Variants in SEMA3E observed in about 807,000 individuals in gnomAD.
SEMA3E encodes semaphorin-3E.
A neutral mutation model predicts 93.6 loss-of-function variants in SEMA3E; 49 were observed. The observed-to-expected ratio is 0.52, with a 90% CI of 0.42 to 0.66. The LOEUF is 0.66. SEMA3E is among the 30% of genes least tolerant of loss of function. The probability of loss-of-function intolerance (pLI) is 0.00; values close to 1 mark genes in which losing one functional copy is unlikely to be tolerated. For synonymous variants in SEMA3E, 363 were observed against 330.7 expected, an observed-to-expected ratio of 1.10 and a Z score of -1.06; for missense variants, 906 against 964.8, an observed-to-expected ratio of 0.94 and a Z score of 0.81.
chr7:83,444,621 G>T (rs1789186281), intron 4 of SEMA3E, among the ~76,000 whole-genome samples: 1 of 151,184 alleles, frequency 6.6e-6, no homozygotes, highest in Non-Finnish European at 1.5e-5. Flanking sequence ...ACCAAGAAAA[G>T]AATTCCTGCA....
intron 1 of SEMA3E, among the ~76,000 whole-genome samples, chr7:83,554,344 T>C (rs1311163132): frequency 1.3e-5 from 2 of 152,180 alleles, no homozygotes; most frequent in East Asian, 3.9e-4. Context: ...AATGGAAAAA[T>C]GAGTCCTCAT....
chr7:83,540,718 G>A (rs1043679006), intron 1 of SEMA3E, among the ~76,000 whole-genome samples: 2 of 152,202 alleles, frequency 1.3e-5, no homozygotes, highest in Non-Finnish European at 2.9e-5. Context: ...AAGAACTGCT[G>A]TGTATGTATC....
At position 83,461,483 on chromosome 7, in the gene SEMA3E, C is replaced by T. The variant is rs376710000; in HGVS notation, c.456+4999G>A. ...CAGTGACTATCCCTCCCCATCCTGC[C>T]CAACAATTTACTCTTAAAAAGGTGG... On this transcript the variant is annotated intron_variant, in intron 4 of 16. Transcript: ENST00000643230. Among the ~76,000 whole-genome samples the T allele has an allele frequency of 3.2e-4, 48 of 152,232 alleles. 1 individual carries two copies. The highest frequency in any genetic ancestry group is 1.1e-3 in the African/African-American group (46 of 41,524).
intron 1 of SEMA3E, among the ~76,000 whole-genome samples, chr7:83,647,077 C>A (rs1043947196): frequency 1.4e-4 from 22 of 151,988 alleles, no homozygotes; most frequent in Admixed American, 2.0e-4. Context: ...TACATCTTCC[C>A]AAGTTAAAAG....
intron 2 of SEMA3E, among the ~76,000 whole-genome samples, chr7:83,481,098 CATCCCA>C (rs1225698123): frequency 1.3e-5 from 2 of 152,064 alleles, no homozygotes; most frequent in African/African-American, 4.8e-5. Flanking sequence ...GTTAGAGCCC[CATCCCA>C]ATTTAGAGAC....
chr7:83,503,285 C>A (rs1402439573), intron 1 of SEMA3E, among the ~76,000 whole-genome samples: 1 of 151,948 alleles, frequency 6.6e-6, no homozygotes, highest in Non-Finnish European at 1.5e-5. Context: ...TTATCCATTC[C>A]CATCTCAGAT....
At chr7:83,525,944 T>TTGGTAGG (rs1791149777) in intron 1 of SEMA3E, among the ~76,000 whole-genome samples, 1 of 151,562 alleles carries the variant, frequency 6.6e-6, no homozygotes, top group Admixed American at 6.6e-5. Context: ...ATAGAAAGGG[T>TTGGTAGG]TGGTAGGTTA....
At chr7:83,398,029 A>G (rs7777731) in intron 11 of SEMA3E, among the ~76,000 whole-genome samples, 18,230 of 152,238 alleles carry the variant, frequency 0.12, 1,222 homozygotes, top group Non-Finnish European at 0.15. Context: ...TATTGTATTA[A>G]AGCCGGTGTC....
intron 1 of SEMA3E, among the ~76,000 whole-genome samples, chr7:83,569,142 C>CA (rs200678421): frequency 0.02 from 2,821 of 142,430 alleles, 81 homozygotes; most frequent in African/African-American, 0.064. Context: ...GCAATAGCTA[C>CA]AAAAAAAAAA....
rs116074891 is a variant in SEMA3E at position 83,636,926 on chromosome 7, T to C, written c.115+11502A>G. Among the ~76,000 whole-genome samples, 619 of 152,136 alleles carry C rather than the reference T, an allele frequency of 4.1e-3. 5 individuals are homozygous for C. The highest frequency in any genetic ancestry group is 0.014 in the African/African-American group (597 of 41,472). On this transcript the variant is annotated intron_variant, in intron 1 of 16. Transcript: ENST00000643230. ...CATGCTTTCATAGCATCCCTTGATA[T>C]ATAAAAAAAGCACCCTACTTTATTA...
At chr7:83,427,386 C>T (rs979799613) in intron 4 of SEMA3E, among the ~76,000 whole-genome samples, 14 of 152,030 alleles carry the variant, frequency 9.2e-5, no homozygotes, top group South Asian at 2.1e-4. Flanking sequence ...TGAAGCTACA[C>T]ATGACAGGAA....
intron 4 of SEMA3E, among the ~76,000 whole-genome samples, chr7:83,420,457 C>A (rs779840505): frequency 6.6e-6 from 1 of 152,006 alleles, no homozygotes; most frequent in Non-Finnish European, 1.5e-5. Context: ...GAAAACTATT[C>A]TAAAATTCAT....
chr7:83,363,860 A>ATTTTTTTT lies in SEMA3E; in HGVS notation c.*3718_*3725dup, dbSNP rs56867715. The ATTTTTTTT allele has an allele frequency of 5.2e-5, 4 of 76,964 alleles. No homozygotes were observed. The highest frequency in any genetic ancestry group is 2.0e-4 in the African/African-American group (4 of 20,108). 4.8% of individuals were successfully genotyped at this position (76,964 alleles called of 1,614,324 possible). A position where few individuals can be genotyped will look rare whatever the true frequency, so the allele number is the denominator to read the frequency against. ...GGCTACAGGTGTCACAGGTCAATTCATTTTTTTTTTTTTTTTTTTTTTTTT... is the reference window on the plus strand; with the variant it reads ...GGCTACAGGTGTCACAGGTCAATTCATTTTTTTTTTTTTTTTTTTTTTTTTTTTTTTTT... On this transcript the variant is annotated 3_prime_UTR_variant, in exon 17 of 17. Coordinates refer to ENST00000643230, the MANE Select transcript of SEMA3E (RefSeq NM_012431.3).
intron 1 of SEMA3E, among the ~76,000 whole-genome samples, chr7:83,640,515 G>T (rs1216880542): frequency 1.3e-5 from 2 of 151,994 alleles, no homozygotes; most frequent in Non-Finnish European, 2.9e-5. Flanking sequence ...GGAGAAAGAG[G>T]GCACATTGTC....
intron 1 of SEMA3E, among the ~76,000 whole-genome samples, chr7:83,592,862 A>G (rs1792782368): frequency 1.3e-5 from 2 of 152,142 alleles, no homozygotes; most frequent in South Asian, 4.1e-4. Flanking sequence ...GGAGGACATG[A>G]ATAAAATCAA....
chr7:83,396,610 T>A, intron 12 of SEMA3E, 28 bp downstream of exon 12: 1 of 1,369,714 alleles, frequency 7.3e-7, no homozygotes, highest in Non-Finnish European at 1.0e-6. Flanking sequence ...AATGCATAAA[T>A]TTGGTCTGTA....
At chr7:83,648,139 G>A (rs1168038204) in intron 1 of SEMA3E, among the ~76,000 whole-genome samples, 2 of 152,028 alleles carry the variant, frequency 1.3e-5, no homozygotes, top group Admixed American at 1.3e-4. Flanking sequence ...CCCTTCCTGT[G>A]TTCCGCGGGC....
At chr7:83,372,077 G>C (rs1584198022) in intron 16 of SEMA3E, 1 of 389,214 alleles carries the variant, frequency 2.6e-6, no homozygotes, top group East Asian at 3.6e-5. Flanking sequence ...TCAGAAGATA[G>C]TGTAAAATGA....
intron 1 of SEMA3E, among the ~76,000 whole-genome samples, chr7:83,535,142 G>A (rs901795590): frequency 4.6e-5 from 7 of 152,238 alleles, no homozygotes; most frequent in African/African-American, 1.4e-4. Flanking sequence ...GTGTGAATCT[G>A]CTGGAATTTT....
Sources: allele counts gnomAD v4.1 joint callset (sites outside exome capture counted in the v4.1 genomes callset), GRCh38; gene constraint gnomAD v4.1.1; transcripts MANE v1.5; gene names NCBI Gene and HGNC (gene_info 2026-07-23, HGNC 2026-07-21).